Variants in HSD11B1 observed in about 807,000 individuals in gnomAD.
HSD11B1 encodes the protein hydroxysteroid 11-beta dehydrogenase 1.
HSD11B1 carries 15 observed loss-of-function variants against 22.1 expected under a neutral mutation model. That is an observed-to-expected ratio of 0.68 (90% CI 0.45 to 1.04). The LOEUF is 1.04. Among genes scored for constraint, HSD11B1 ranks in the 50% least tolerant of loss-of-function variants. HSD11B1 has a pLI of 0.00. For missense variants in HSD11B1, 281 were observed against 357.6 expected, an observed-to-expected ratio of 0.79 and a Z score of 1.73; for synonymous variants, 122 against 125.2, an observed-to-expected ratio of 0.97 and a Z score of 0.17.
chr1:209,718,822 C>G (rs1431197502), intron 4 of HSD11B1, among the ~76,000 whole-genome samples: 1 of 151,826 alleles, frequency 6.6e-6, no homozygotes, highest in Non-Finnish European at 1.5e-5. Context: ...GAGTTTGAGA[C>G]CAGCCTGGCC....
chr1:209,705,789 A>T (rs1469183989), intron 1 of HSD11B1, 22 bp from the exon 2 acceptor site: 11 of 1,613,064 alleles, frequency 6.8e-6, no homozygotes, highest in African/African-American at 1.3e-5. Context: ...TATGGTCCTC[A>T]CTTCCTTTTG....
rs574124614 is a variant in HSD11B1, at chr1:209,734,595, A to G, written c.*74A>G. 1 of 1,102,028 alleles carries G rather than the reference A, an allele frequency of 9.1e-7. No individual in the cohort carries two copies. Among genetic ancestry groups the G allele is most frequent in the Non-Finnish European group, 1.4e-6 (1 of 724,912 alleles). 68.3% of individuals were successfully genotyped at this position (1,102,028 alleles called of 1,614,324 possible). ...CTCATGTTTATCTGAGCTCTTATCT[A>G]TGAAGACATCTTCCCAGAGTGTCCC... On this transcript the variant is annotated 3_prime_UTR_variant, in exon 6 of 6. Coordinates refer to ENST00000367027, the MANE Select transcript of HSD11B1 (RefSeq NM_005525.4).
At chr1:209,700,325 G>T (rs1408814882), upstream of HSD11B1, among the ~76,000 whole-genome samples, 4 of 152,228 alleles carry the variant, frequency 2.6e-5, no homozygotes, top group Non-Finnish European at 5.9e-5. Flanking sequence ...CTTGATTTCT[G>T]TGCACCATGT....
chr1:209,702,455 T>A (rs1158773138), upstream of HSD11B1, among the ~76,000 whole-genome samples: 1 of 152,192 alleles, frequency 6.6e-6, no homozygotes, highest in African/African-American at 2.4e-5. Context: ...GCCATGTAAA[T>A]ATGGACACAA....
rs1262194799 is a variant in HSD11B1 at position 209,704,862 on chromosome 1, T to C, written c.-81T>C. ...CCTGATGTCACAATTCAGAGGCTGC[T>C]GCCTGCTTAGGAGGTTGTAGAAAGC... On this transcript the variant is annotated 5_prime_UTR_variant, in exon 1 of 6. Transcript: ENST00000367027. 1.9e-6 allele frequency: 2 copies of C among 1,052,490 alleles called. No homozygotes were observed. The highest frequency in any genetic ancestry group is 3.1e-5 in the African/African-American group (2 of 64,040). The allele number at this position is 1,052,490 out of a possible 1,614,324, so 65.2% of individuals were successfully genotyped here. A position where few individuals can be genotyped will look rare whatever the true frequency, so the allele number is the denominator to read the frequency against.
intron 4 of HSD11B1, among the ~76,000 whole-genome samples, chr1:209,722,952 C>T (rs1161385483): frequency 6.6e-6 from 1 of 152,176 alleles, no homozygotes. Flanking sequence ...ATGTAGGCCT[C>T]CTTTTGACCT....
intron 4 of HSD11B1, among the ~76,000 whole-genome samples, chr1:209,718,295 T>A (rs567363212): frequency 8.5e-5 from 13 of 152,328 alleles, no homozygotes; most frequent in Non-Finnish European, 1.8e-4. Flanking sequence ...CTAAATACCC[T>A]TACTTGATCA....
chr1:209,702,996 T>C (rs1571869947), upstream of HSD11B1, among the ~76,000 whole-genome samples: 1 of 152,232 alleles, frequency 6.6e-6, no homozygotes, highest in African/African-American at 2.4e-5. Flanking sequence ...TGTCTTTGGG[T>C]TTAAATGTGT....
chr1:209,713,635 C>T (rs2076912068), intron 4 of HSD11B1, among the ~76,000 whole-genome samples: 2 of 152,200 alleles, frequency 1.3e-5, no homozygotes, highest in African/African-American at 4.8e-5. Context: ...GCTCAAGTCC[C>T]TTGTATGAAA....
intron 1 of HSD11B1, among the ~76,000 whole-genome samples, chr1:209,689,403 T>C: frequency 6.6e-6 from 1 of 152,202 alleles, no homozygotes; most frequent in East Asian, 1.9e-4. Flanking sequence ...TGACAAGCCC[T>C]GCCCTCACAC....
At chr1:209,704,827 C>T (rs979360795), upstream of HSD11B1, 1 of 783,008 alleles carries the variant, frequency 1.3e-6, no homozygotes, top group Non-Finnish European at 2.2e-6. Flanking sequence ...CTACTCCAGC[C>T]TCCCCCGTCC....
At chr1:209,687,333 A>C (rs750548230) in intron 1 of HSD11B1, among the ~76,000 whole-genome samples, 1 of 152,198 alleles carries the variant, frequency 6.6e-6, no homozygotes, top group Non-Finnish European at 1.5e-5. Context: ...TCAGAGTCGG[A>C]AGCTGAAAGG....
upstream of HSD11B1, among the ~76,000 whole-genome samples, chr1:209,701,445 C>T (rs911342710): frequency 6.6e-6 from 1 of 152,156 alleles, no homozygotes; most frequent in Non-Finnish European, 1.5e-5. Context: ...CCTCTCACAA[C>T]ATGTGGAAAT....
intron 4 of HSD11B1, among the ~76,000 whole-genome samples, chr1:209,719,288 AG>A (rs1205481118): frequency 6.6e-6 from 1 of 152,156 alleles, no homozygotes; most frequent in African/African-American, 2.4e-5. Flanking sequence ...AAGGGAAATA[AG>A]CCAGCCACAG....
intron 4 of HSD11B1, among the ~76,000 whole-genome samples, chr1:209,714,293 T>C (rs915395925): frequency 1.3e-5 from 2 of 151,954 alleles, no homozygotes; most frequent in African/African-American, 2.4e-5. Context: ...ATTGGAAGGG[T>C]TTTTATTTCT....
upstream of HSD11B1, among the ~76,000 whole-genome samples, chr1:209,703,999 C>T (rs1056676046): frequency 3.3e-5 from 5 of 152,158 alleles, no homozygotes; most frequent in Non-Finnish European, 5.9e-5. Context: ...CACCCTCGTC[C>T]TTTTACTGTT....
At chr1:209,721,469 CAAA>C (rs3059693) in intron 4 of HSD11B1, among the ~76,000 whole-genome samples, 18 of 101,794 alleles carry the variant, frequency 1.8e-4, no homozygotes, top group African/African-American at 4.3e-4. Flanking sequence ...ATTTCAAAAG[CAAA>C]AAAAAAAAAA....
intron 1 of HSD11B1, among the ~76,000 whole-genome samples, chr1:209,687,677 C>G (rs2076736317): frequency 6.6e-6 from 1 of 152,176 alleles, no homozygotes; most frequent in African/African-American, 2.4e-5. Flanking sequence ...ACCCAGGAGC[C>G]TTTTAAGAAA....
chr1:209,712,957 G>A (rs946978081), intron 4 of HSD11B1, among the ~76,000 whole-genome samples: 2 of 152,142 alleles, frequency 1.3e-5, no homozygotes, highest in African/African-American at 4.8e-5. Flanking sequence ...GCTGAGGCAG[G>A]AGAATCGCTT....
Sources: allele counts gnomAD v4.1 joint callset (sites outside exome capture counted in the v4.1 genomes callset), GRCh38; gene constraint gnomAD v4.1.1; transcripts MANE v1.5; gene names NCBI Gene and HGNC (gene_info 2026-07-23, HGNC 2026-07-21).